Variants in INPP5F observed in about 807,000 individuals in gnomAD.
The protein encoded by INPP5F is inositol polyphosphate-5-phosphatase F.
A neutral mutation model predicts 137.2 loss-of-function variants in INPP5F; 97 were observed. That is an observed-to-expected ratio of 0.71 (90% CI 0.60 to 0.84). INPP5F has a LOEUF of 0.84. Among genes scored for constraint, INPP5F ranks in the 40% least tolerant of loss-of-function variants. The pLI, the probability that INPP5F is intolerant of heterozygous loss-of-function variation, is 0.00. For missense variants in INPP5F, 1,271 were observed against 1,371.9 expected, an observed-to-expected ratio of 0.93 and a Z score of 1.16; for synonymous variants, 504 against 476.9, an observed-to-expected ratio of 1.06 and a Z score of -0.74.
intron 2 of INPP5F, among the ~76,000 whole-genome samples, chr10:119,760,322 C>T (rs1848974107): frequency 6.6e-6 from 1 of 152,110 alleles, no homozygotes; most frequent in Non-Finnish European, 1.5e-5. Context: ...GCCTGTAGTC[C>T]CAGCTACTTG....
intron 2 of INPP5F, among the ~76,000 whole-genome samples, chr10:119,754,754 C>T (rs747447828): frequency 1.3e-5 from 2 of 151,946 alleles, no homozygotes; most frequent in East Asian, 1.9e-4. Flanking sequence ...CCTGTGAGCA[C>T]CCACCTTACT....
intron 7 of INPP5F, 56 bp from the exon 8 acceptor site, chr10:119,797,405 C>A: frequency 1.5e-6 from 2 of 1,347,228 alleles, no homozygotes; most frequent in African/African-American, 1.5e-5. Flanking sequence ...CATAATCTAG[C>A]CAGACTAAAT....
chr10:119,762,026 A>C (rs1350907710), intron 2 of INPP5F, among the ~76,000 whole-genome samples: 2 of 151,676 alleles, frequency 1.3e-5, no homozygotes, highest in Non-Finnish European at 2.9e-5. Flanking sequence ...GCCCCGTAGA[A>C]CCTCCGTATA....
chr10:119,759,860 C>A (rs1265037195), intron 2 of INPP5F, among the ~76,000 whole-genome samples: 1 of 152,100 alleles, frequency 6.6e-6, no homozygotes, highest in Admixed American at 6.6e-5. Flanking sequence ...TCCTCAGGTA[C>A]CTAGATGCTG....
At chr10:119,819,332 T>A in intron 15 of INPP5F, 1 of 1,158,128 alleles carries the variant, frequency 8.6e-7, no homozygotes, top group African/African-American at 1.6e-5. Flanking sequence ...GTTGACATTT[T>A]CCGACTGCCT....
intron 2 of INPP5F, among the ~76,000 whole-genome samples, chr10:119,762,700 A>G (rs1849043818): frequency 6.6e-6 from 1 of 152,182 alleles, no homozygotes; most frequent in African/African-American, 2.4e-5. Flanking sequence ...ATACTATGCC[A>G]TTTTACATAA....
intron 2 of INPP5F, among the ~76,000 whole-genome samples, chr10:119,778,411 A>G (rs1849595901): frequency 6.6e-6 from 1 of 152,168 alleles, no homozygotes; most frequent in South Asian, 2.1e-4. Context: ...TTTGGGGTCT[A>G]ATTGGGGAGT....
intron 3 of INPP5F, among the ~76,000 whole-genome samples, chr10:119,783,963 C>T (rs996403102): frequency 1.3e-5 from 2 of 152,034 alleles, no homozygotes; most frequent in African/African-American, 4.8e-5. Flanking sequence ...TTTGGTACAC[C>T]TTTCTCTCAA....
chr10:119,770,372 A>G (rs533808256), intron 2 of INPP5F, among the ~76,000 whole-genome samples: 1 of 152,352 alleles, frequency 6.6e-6, no homozygotes, highest in East Asian at 1.9e-4. Context: ...TAACAAATAA[A>G]TACATAGCCT....
chr10:119,797,708 A>C, intron 8 of INPP5F, 68 bp downstream of exon 8: 3 of 1,245,884 alleles, frequency 2.4e-6, no homozygotes, highest in Non-Finnish European at 3.2e-6. Context: ...GAAATTAGTT[A>C]CCTGTTAGGT....
At chr10:119,823,252 A>G in intron 18 of INPP5F, 53 bp downstream of exon 18, 1 of 1,565,766 alleles carries the variant, frequency 6.4e-7, no homozygotes, top group South Asian at 1.2e-5. Flanking sequence ...ATTTATTCTT[A>G]AAAGCCCAAA....
intron 3 of INPP5F, among the ~76,000 whole-genome samples, chr10:119,783,294 T>C (rs1849768809): frequency 6.6e-6 from 1 of 152,212 alleles, no homozygotes; most frequent in East Asian, 1.9e-4. Context: ...AAGATCAGGA[T>C]GGCTTGTTAT....
chr10:119,781,976 G>A (rs975503118), intron 3 of INPP5F, among the ~76,000 whole-genome samples: 1 of 152,104 alleles, frequency 6.6e-6, no homozygotes, highest in Non-Finnish European at 1.5e-5. Flanking sequence ...ATAAAGGCAG[G>A]GCTGCTGTGG....
At chr10:119,771,759 A>C (rs912529430) in intron 2 of INPP5F, among the ~76,000 whole-genome samples, 1 of 148,764 alleles carries the variant, frequency 6.7e-6, no homozygotes, top group Non-Finnish European at 1.5e-5. Context: ...ACAGTCTGAT[A>C]CAAAGTGATC....
At chr10:119,792,259 T>A in intron 6 of INPP5F, 46 bp downstream of exon 6, 1 of 1,359,670 alleles carries the variant, frequency 7.4e-7, no homozygotes, top group Non-Finnish European at 1.0e-6. Context: ...GAAATTGGTC[T>A]GTTTGTTTCT....
At position 119,797,591 on chromosome 10, in the gene INPP5F, T is replaced by C; in HGVS notation, c.999T>C (p.Phe333=). ...AAACACGAGGCTCTGTGCCTGTCTTTTGGAGCCAGGTTGGGTATCGATATA... is the reference window on the plus strand; with the variant it reads ...AAACACGAGGCTCTGTGCCTGTCTTCTGGAGCCAGGTTGGGTATCGATATA... The part of the protein sequence containing the change: ...FVQTRGSVPV[F]WSQVGYRYNP... Residue 333 remains phenylalanine (F), a synonymous_variant, in exon 8 of 20, where the codon TTT becomes TTC. Coordinates refer to ENST00000650623, the MANE Select transcript of INPP5F (RefSeq NM_014937.4). 1 of 1,613,432 alleles carries C rather than the reference T, an allele frequency of 6.2e-7. No individual in the cohort carries two copies. The highest frequency in any genetic ancestry group is 8.5e-7 in the Non-Finnish European group (1 of 1,179,688).
intron 1 of INPP5F, among the ~76,000 whole-genome samples, chr10:119,734,498 T>A (rs1209740681): frequency 2.6e-5 from 4 of 152,162 alleles, no homozygotes; most frequent in Non-Finnish European, 5.9e-5. Flanking sequence ...AAACCATGAC[T>A]TTTCTTTTTT....
Position 119,726,366 on chromosome 10 carries a change from C to T in INPP5F, c.97+7C>T. The T allele has an allele frequency of 7.4e-7, 1 of 1,345,298 alleles. No individual in the cohort carries two copies. Among genetic ancestry groups the T allele is most frequent in the Non-Finnish European group, 9.6e-7 (1 of 1,043,412 alleles). 83.3% of individuals were successfully genotyped at this position (1,345,298 alleles called of 1,614,324 possible). A position where few individuals can be genotyped will look rare whatever the true frequency, so the allele number is the denominator to read the frequency against. ...GGCCTCCAGCTCCGACCCGGTGAGG[C>T]TGGCGGTGCGGGCGGGGGGCACCCC... On this transcript the variant is annotated splice_region_variant and intron_variant, in intron 1 of 19. Coordinates refer to ENST00000650623, the MANE Select transcript of INPP5F (RefSeq NM_014937.4).
At chr10:119,746,753 T>C (rs2134118118) in intron 1 of INPP5F, among the ~76,000 whole-genome samples, 1 of 151,856 alleles carries the variant, frequency 6.6e-6, no homozygotes, top group East Asian at 1.9e-4. Flanking sequence ...AAGAAAATCA[T>C]AGAAGATGAC....
Sources: allele counts gnomAD v4.1 joint callset (sites outside exome capture counted in the v4.1 genomes callset), GRCh38; gene constraint gnomAD v4.1.1; transcripts MANE v1.5; gene names NCBI Gene and HGNC (gene_info 2026-07-23, HGNC 2026-07-21).